Variants in RYR2 observed in about 807,000 individuals in gnomAD.
RYR2 encodes ryanodine receptor 2.
Under a neutral mutation model 601.1 loss-of-function variants are expected in RYR2, and 227 were observed. That is an observed-to-expected ratio of 0.38 (90% CI 0.34 to 0.42). The LOEUF is 0.42. Among genes scored for constraint, RYR2 ranks in the 10% least tolerant of loss-of-function variants. RYR2 has a pLI of 1.00. For synonymous variants in RYR2, 2,223 were observed against 2,175.1 expected (o/e 1.02, Z -0.61); for missense variants, 4,646 against 6,156.5 (o/e 0.75, Z 8.21).
At chr1:237,085,910 C>A (rs969275320) in intron 1 of RYR2, among the ~76,000 whole-genome samples, 2 of 152,188 alleles carry the variant, frequency 1.3e-5, no homozygotes, top group Non-Finnish European at 2.9e-5. Flanking sequence ...TGTGCCGCTA[C>A]GCCTGGCTAA....
At chr1:237,732,170 A>G (rs377488143) in intron 78 of RYR2, 21 bp downstream of exon 78, 2 of 1,487,722 alleles carry the variant, frequency 1.3e-6, no homozygotes, top group African/African-American at 2.8e-5. Context: ...GAGGGTTCCT[A>G]TGAGACATAG....
At chr1:237,579,493 G>A (rs1673653513) in intron 29 of RYR2, among the ~76,000 whole-genome samples, 1 of 152,076 alleles carries the variant, frequency 6.6e-6, no homozygotes. Flanking sequence ...GACCTCAGGT[G>A]ATCCACCTGC....
At chr1:237,166,702 A>G (rs1040383393) in intron 1 of RYR2, among the ~76,000 whole-genome samples, 1 of 152,254 alleles carries the variant, frequency 6.6e-6, no homozygotes, top group Non-Finnish European at 1.5e-5. Flanking sequence ...CATGTTGGCA[A>G]TTGGGTACAA....
intron 20 of RYR2, among the ~76,000 whole-genome samples, chr1:237,496,974 C>T (rs575640820): frequency 3.0e-4 from 46 of 152,270 alleles, no homozygotes; most frequent in African/African-American, 8.2e-4. Flanking sequence ...GACTGCCGAG[C>T]TTGTGAACAA....
chr1:237,296,397 A>T (rs577732914), intron 2 of RYR2, among the ~76,000 whole-genome samples: 1 of 152,306 alleles, frequency 6.6e-6, no homozygotes, highest in East Asian at 1.9e-4. Context: ...CAAGAGAATG[A>T]AGTAACTCAA....
At chr1:237,709,163 C>T (rs1488422162) in intron 69 of RYR2, 65 bp downstream of exon 69, 29 of 1,366,646 alleles carry the variant, frequency 2.1e-5, no homozygotes, top group Admixed American at 4.7e-5. Flanking sequence ...CTCACATGTC[C>T]TTGTTCAATC....
chr1:237,582,582 C>G (rs1316383742), intron 29 of RYR2, among the ~76,000 whole-genome samples: 1 of 152,116 alleles, frequency 6.6e-6, no homozygotes, highest in South Asian at 2.1e-4. Flanking sequence ...TGTCCCCCCA[C>G]CACAGTTGTC....
chr1:237,787,891 T>C, intron 91 of RYR2, 97 bp from the exon 92 acceptor site: 1 of 1,136,134 alleles, frequency 8.8e-7, no homozygotes, highest in Non-Finnish European at 1.3e-6. Flanking sequence ...AGTAATATGA[T>C]GGCCTAAAAT....
rs536469491 is a variant in RYR2 at position 237,099,030 on chromosome 1, C to A, written c.48+56461C>A. Reference sequence around the variant, plus strand: ...CCACTGCGCTTCTCACCTGCGGGGACAACAAGCCACCTTCTCCCGATAAAT... The same window carrying A: ...CCACTGCGCTTCTCACCTGCGGGGAAAACAAGCCACCTTCTCCCGATAAAT... On this transcript the variant is annotated intron_variant, in intron 1 of 104. Coordinates refer to ENST00000366574, the MANE Select transcript of RYR2 (RefSeq NM_001035.3). Among the ~76,000 whole-genome samples the A allele has an allele frequency of 2.0e-5, 3 of 152,092 alleles. No homozygotes were observed. In the South Asian group the frequency reaches 6.2e-4, roughly 32 times the overall value.
chr1:237,353,377 C>T (rs917563029), intron 3 of RYR2, among the ~76,000 whole-genome samples: 7 of 151,746 alleles, frequency 4.6e-5, no homozygotes, highest in Non-Finnish European at 1.0e-4. Flanking sequence ...GGTGTGGTGG[C>T]GGGCACCTGT....
chr1:237,168,541 T>C lies in RYR2; in HGVS notation c.49-101956T>C, dbSNP rs186879803. Among the ~76,000 whole-genome samples, 9 of 151,272 alleles carry C rather than the reference T, an allele frequency of 5.9e-5. No individual in the cohort carries two copies. In the East Asian group the frequency reaches 1.7e-3, roughly 29 times the overall value. ...CCTTCTGTTGTTCTATACTCTCTCT[T>C]TTCCTGCCTTTCGCCGAGAGGAATA... On this transcript the variant is annotated intron_variant, in intron 1 of 104. Transcript: ENST00000366574.
At chr1:237,359,562 T>A (rs1699594875) in intron 4 of RYR2, among the ~76,000 whole-genome samples, 1 of 152,210 alleles carries the variant, frequency 6.6e-6, no homozygotes, top group African/African-American at 2.4e-5. Context: ...AAATGGCTTC[T>A]GTATAAATCT....
chr1:237,670,279 G>A (rs1262303647), intron 58 of RYR2, among the ~76,000 whole-genome samples: 4 of 149,034 alleles, frequency 2.7e-5, no homozygotes, highest in African/African-American at 7.4e-5. Context: ...GGAGACCGTG[G>A]GGAGAGGGAG....
In RYR2 at chr1:237,717,185, C is replaced by T; in HGVS notation, c.10324-13C>T. 1.2e-6 allele frequency: 2 copies of T among 1,612,392 alleles called. No homozygotes were observed. ...AGCAGGTTCAGATCCCAGCACTTCT[C>T]TTTGTTCCATAGGCAGCTGTTTCTG... On this transcript the variant is annotated splice_polypyrimidine_tract_variant and intron_variant, in intron 71 of 104. Transcript: ENST00000366574.
At chr1:237,633,495 G>A (rs1464055212) in intron 42 of RYR2, 83 bp from the exon 43 acceptor site, 88 of 1,527,124 alleles carry the variant, frequency 5.8e-5, no homozygotes, top group Non-Finnish European at 7.6e-5. Context: ...GGGGATTGAC[G>A]ATGTGATTGA....
intron 25 of RYR2, among the ~76,000 whole-genome samples, chr1:237,540,612 C>A (rs905791603): frequency 6.6e-6 from 1 of 151,476 alleles, no homozygotes; most frequent in African/African-American, 2.4e-5. Flanking sequence ...GAGGCTGAGG[C>A]GGGAGAATCA....
intron 16 of RYR2, 43 bp downstream of exon 16, chr1:237,456,778 T>G: frequency 6.2e-7 from 1 of 1,606,098 alleles, no homozygotes. Flanking sequence ...GTTATCTATT[T>G]AAAATGTCCA....
At chr1:237,473,432 T>TTG in intron 17 of RYR2, among the ~76,000 whole-genome samples, 1 of 73,790 alleles carries the variant, frequency 1.4e-5, no homozygotes, top group Admixed American at 1.3e-4. Context: ...TCTCTCTCTC[T>TTG]CTTTCTTTCT....
chr1:237,202,044 A>G (rs192226789), intron 1 of RYR2, among the ~76,000 whole-genome samples: 28 of 152,320 alleles, frequency 1.8e-4, no homozygotes, highest in Admixed American at 1.7e-3. Context: ...AATGGGAGAA[A>G]TAGGGCTGGG....
Sources: allele counts gnomAD v4.1 joint callset (sites outside exome capture counted in the v4.1 genomes callset), GRCh38; gene constraint gnomAD v4.1.1; transcripts MANE v1.5; gene names NCBI Gene and HGNC (gene_info 2026-07-23, HGNC 2026-07-21).